The following PPP3CA variants were observed in gnomAD, a reference collection of about 807,000 sequenced individuals.
The protein encoded by PPP3CA is CAM-PRP catalytic subunit.
A neutral mutation model predicts 66.5 loss-of-function variants in PPP3CA; 14 were observed. The observed-to-expected ratio is 0.21, with a 90% CI of 0.14 to 0.33. The LOEUF (loss-of-function observed/expected upper bound fraction) is 0.33, where lower values mean the gene tolerates loss of function less well. PPP3CA is among the 10% of genes least tolerant of loss of function. PPP3CA has a pLI of 1.00. For missense variants in PPP3CA, 317 were observed against 639.5 expected (o/e 0.50, Z 5.44); for synonymous variants, 232 against 226.2 (o/e 1.03, Z -0.23).
intron 1 of PPP3CA, among the ~76,000 whole-genome samples, chr4:101,249,072 A>G (rs991999985): frequency 4.6e-5 from 7 of 151,786 alleles, no homozygotes; most frequent in Non-Finnish European, 8.8e-5. Context: ...AGGCAGGAGA[A>G]TGGCGTGAAC....
intron 2 of PPP3CA, among the ~76,000 whole-genome samples, chr4:101,163,787 T>C (rs941841406): frequency 1.3e-5 from 2 of 151,996 alleles, no homozygotes; most frequent in African/African-American, 4.8e-5. Context: ...CAATTTTACA[T>C]TATTTTTAAG....
At chr4:101,262,149 A>G (rs974885360) in intron 1 of PPP3CA, among the ~76,000 whole-genome samples, 1 of 152,082 alleles carries the variant, frequency 6.6e-6, no homozygotes, top group African/African-American at 2.4e-5. Flanking sequence ...TAGCAAAAAA[A>G]GAAGTATCCA....
chr4:101,083,315 T>A lies in PPP3CA; in HGVS notation c.783-52A>T, dbSNP rs1468694889. 7 of 1,436,354 alleles carry A rather than the reference T, an allele frequency of 4.9e-6. No homozygotes were observed. In the South Asian group the frequency reaches 5.9e-5, roughly 12 times the overall value. 89.0% of individuals were successfully genotyped at this position (1,436,354 alleles called of 1,614,324 possible). On this transcript the variant is annotated intron_variant, in intron 6 of 13. Coordinates refer to ENST00000394854, the MANE Select transcript of PPP3CA (RefSeq NM_000944.5). ...GCATCTGTTAGGAAATCATCAGGAG[T>A]AGCACATTTATCTCTAACATCCAGA... is the stretch of plus-strand genomic sequence containing the variant.
chr4:101,063,964 T>TA (rs1728579927), intron 8 of PPP3CA, among the ~76,000 whole-genome samples: 1 of 152,000 alleles, frequency 6.6e-6, no homozygotes, highest in Admixed American at 6.6e-5. Context: ...ATTTATCATT[T>TA]AGTTGTATTT....
At chr4:101,182,506 T>C (rs1724269620) in intron 2 of PPP3CA, among the ~76,000 whole-genome samples, 1 of 151,980 alleles carries the variant, frequency 6.6e-6, no homozygotes, top group Non-Finnish European at 1.5e-5. Context: ...ACAGAAGGCA[T>C]ACCTCAGATA....
rs766129389 is a variant in PPP3CA at position 101,063,263 on chromosome 4, A to G, written c.1050T>C (p.Phe350=). ...PYWLPNFMDV[F]TWSLPFVGEK... is the part of the protein sequence containing the mutation. Reference sequence around the variant, plus strand: ...CCCCAACAAATGGAAGGGACCAAGTAAAAACATCCATGAAATTTGGAAGCC... The same window carrying G: ...CCCCAACAAATGGAAGGGACCAAGTGAAAACATCCATGAAATTTGGAAGCC... The change falls in exon 9 of 14, where the codon TTT becomes TTC. Residue 350 remains phenylalanine, a synonymous_variant. Coordinates refer to ENST00000394854, the MANE Select transcript of PPP3CA (RefSeq NM_000944.5). 6.2e-7 allele frequency: 1 copy of G among 1,611,684 alleles called. No homozygotes were observed. The highest frequency in any genetic ancestry group is 8.5e-7 in the Non-Finnish European group (1 of 1,178,506).
intron 9 of PPP3CA, among the ~76,000 whole-genome samples, chr4:101,061,770 A>T (rs1578412187): frequency 6.6e-6 from 1 of 152,120 alleles, no homozygotes; most frequent in African/African-American, 2.4e-5. Context: ...TACTTAATAG[A>T]TTACAATAGG....
intron 1 of PPP3CA, among the ~76,000 whole-genome samples, chr4:101,298,968 G>C (rs551102868): frequency 4.4e-4 from 67 of 151,926 alleles, no homozygotes; most frequent in African/African-American, 1.6e-3. Flanking sequence ...GCGAACATTA[G>C]AGTGTACTTG....
At chr4:101,173,011 C>A (rs1014893624) in intron 2 of PPP3CA, among the ~76,000 whole-genome samples, 1 of 152,114 alleles carries the variant, frequency 6.6e-6, no homozygotes, top group African/African-American at 2.4e-5. Flanking sequence ...TTTATGATAA[C>A]CCACATGTAC....
intron 1 of PPP3CA, among the ~76,000 whole-genome samples, chr4:101,281,892 T>C (rs1293207627): frequency 6.6e-6 from 1 of 152,188 alleles, no homozygotes; most frequent in Non-Finnish European, 1.5e-5. Flanking sequence ...CTGTACTAGT[T>C]GCCAAATGAC....
intron 2 of PPP3CA, among the ~76,000 whole-genome samples, chr4:101,159,661 T>C (rs1723438204): frequency 1.3e-5 from 2 of 152,202 alleles, no homozygotes; most frequent in Admixed American, 1.3e-4. Flanking sequence ...TCAGAAATCC[T>C]CATAATGCCC....
intron 8 of PPP3CA, 75 bp downstream of exon 8, chr4:101,080,457 C>G (rs1161282257): frequency 1.2e-6 from 1 of 823,352 alleles, no homozygotes; most frequent in South Asian, 4.3e-5. Context: ...TACTTAAGAC[C>G]AAACCAAAAT....
chr4:101,139,955 T>C (rs1329707783), intron 2 of PPP3CA, among the ~76,000 whole-genome samples: 1 of 151,886 alleles, frequency 6.6e-6, no homozygotes, highest in Non-Finnish European at 1.5e-5. Flanking sequence ...TTTTAAGCCA[T>C]GTGGCAAAAA....
At chr4:101,134,433 AAC>A (rs1175964144) in intron 2 of PPP3CA, among the ~76,000 whole-genome samples, 3 of 152,244 alleles carry the variant, frequency 2.0e-5, no homozygotes, top group African/African-American at 7.2e-5. Flanking sequence ...GAAGGATATG[AAC>A]AGACACTTTT....
intron 1 of PPP3CA, among the ~76,000 whole-genome samples, chr4:101,315,528 C>G (rs768419088): frequency 6.6e-6 from 1 of 152,192 alleles, no homozygotes; most frequent in Non-Finnish European, 1.5e-5. Flanking sequence ...GAATCAGAAT[C>G]TCTCATTCAA....
intron 9 of PPP3CA, among the ~76,000 whole-genome samples, 166 bp from the exon 10 acceptor site, chr4:101,061,327 T>A (rs1728453310): frequency 6.6e-6 from 1 of 152,134 alleles, no homozygotes; most frequent in Non-Finnish European, 1.5e-5. Flanking sequence ...CCTTTGTGAT[T>A]CTATGCAGAC....
rs181016394 is a variant in PPP3CA, at chr4:101,154,804, C to T, written c.259+41112G>A. Among the ~76,000 whole-genome samples the T allele has an allele frequency of 2.0e-3, 285 of 139,196 alleles. 4 individuals carry two copies. The East Asian group carries it at 0.047, about 23-fold the overall frequency. The allele number at this position is 139,196 out of a possible 152,430, so 91.3% of individuals were successfully genotyped here. On this transcript the variant is annotated intron_variant, in intron 2 of 13. Transcript: ENST00000394854. ...ATCTGCTTCAGAACACATTCACTCCCAGAATTTTTTTTTTTTTTTTTTTTT... is the reference window on the plus strand; with the variant it reads ...ATCTGCTTCAGAACACATTCACTCCTAGAATTTTTTTTTTTTTTTTTTTTT...
chr4:101,311,463 G>A (rs543285708), intron 1 of PPP3CA, among the ~76,000 whole-genome samples: 1 of 152,122 alleles, frequency 6.6e-6, no homozygotes, highest in Non-Finnish European at 1.5e-5. Flanking sequence ...TCTCTATATT[G>A]TAAGGCAATA....
chr4:101,106,948 C>A (rs1730781311), intron 3 of PPP3CA, among the ~76,000 whole-genome samples: 1 of 152,158 alleles, frequency 6.6e-6, no homozygotes, highest in Non-Finnish European at 1.5e-5. Flanking sequence ...CTTGTCCAAA[C>A]CACCATTATG....
Sources: allele counts gnomAD v4.1 joint callset (sites outside exome capture counted in the v4.1 genomes callset), GRCh38; gene constraint gnomAD v4.1.1; transcripts MANE v1.5; gene names NCBI Gene and HGNC (gene_info 2026-07-23, HGNC 2026-07-21).